Variants in CSRNP3 observed in about 807,000 individuals in gnomAD.
The protein encoded by CSRNP3 is cysteine and serine rich nuclear protein 3.
CSRNP3 carries 12 observed loss-of-function variants against 48.0 expected under a neutral mutation model. The observed-to-expected ratio is 0.25, with a 90% CI of 0.16 to 0.41. The LOEUF (loss-of-function observed/expected upper bound fraction) is 0.41, where lower values mean the gene tolerates loss of function less well. Among genes scored for constraint, CSRNP3 ranks in the 10% least tolerant of loss-of-function variants. CSRNP3 has a pLI of 1.00. For synonymous variants in CSRNP3, 263 were observed against 269.7 expected, an observed-to-expected ratio of 0.98 and a Z score of 0.24; for missense variants, 580 against 724.4, an observed-to-expected ratio of 0.80 and a Z score of 2.29.
chr2:165,586,085 T>C (rs1025520638), intron 3 of CSRNP3, among the ~76,000 whole-genome samples: 31 of 152,126 alleles, frequency 2.0e-4, no homozygotes, highest in African/African-American at 7.5e-4. Flanking sequence ...AAAGTGAACA[T>C]CTCATTACCA....
At chr2:165,560,435 A>G (rs1007528400) in intron 3 of CSRNP3, among the ~76,000 whole-genome samples, 1 of 152,192 alleles carries the variant, frequency 6.6e-6, no homozygotes, top group Non-Finnish European at 1.5e-5. Context: ...TTTTATAACT[A>G]TCATGAACAA....
Position 165,681,144 on chromosome 2 carries a change from G to T in CSRNP3, c.*1391G>T, listed in dbSNP as rs193156381. 6.6e-6 allele frequency: 1 copy of T among 152,098 alleles called. No homozygotes were observed. Among genetic ancestry groups the T allele is most frequent in the South Asian group, 2.1e-4 (1 of 4,822 alleles). The allele number at this position is 152,098 out of a possible 1,614,324, so 9.4% of individuals were successfully genotyped here. On this transcript the variant is annotated 3_prime_UTR_variant, in exon 7 of 7. Coordinates refer to ENST00000651982, the MANE Select transcript of CSRNP3 (RefSeq NM_001172173.2). Reference sequence around the variant, plus strand: ...CCTTTAGATTACCTGCACTTGGTTCGTCGGAGGACTTCTAGGATCCCGTTT... The same window carrying T: ...CCTTTAGATTACCTGCACTTGGTTCTTCGGAGGACTTCTAGGATCCCGTTT...
intron 4 of CSRNP3, among the ~76,000 whole-genome samples, chr2:165,646,746 A>G (rs1361738339): frequency 6.6e-6 from 1 of 152,154 alleles, no homozygotes; most frequent in East Asian, 1.9e-4. Flanking sequence ...CTTTGACATC[A>G]GGAGAATTGC....
At chr2:165,623,684 AC>A (rs1482417862) in intron 4 of CSRNP3, among the ~76,000 whole-genome samples, 1 of 152,186 alleles carries the variant, frequency 6.6e-6, no homozygotes, top group East Asian at 1.9e-4. Context: ...ATATTTACAT[AC>A]TGACTTTTTA....
intron 3 of CSRNP3, among the ~76,000 whole-genome samples, chr2:165,590,474 G>A (rs1267803674): frequency 1.3e-5 from 2 of 152,150 alleles, no homozygotes; most frequent in Non-Finnish European, 2.9e-5. Flanking sequence ...ATTGAATGAA[G>A]TAAGTTGAAA....
intron 4 of CSRNP3, among the ~76,000 whole-genome samples, chr2:165,657,166 A>G (rs1235693765): frequency 6.6e-6 from 1 of 152,196 alleles, no homozygotes; most frequent in African/African-American, 2.4e-5. Flanking sequence ...TTAGTTACAT[A>G]GTAGCCATCT....
At chr2:165,504,695 A>G (rs1235981712) in intron 2 of CSRNP3, among the ~76,000 whole-genome samples, 1 of 152,102 alleles carries the variant, frequency 6.6e-6, no homozygotes, top group Non-Finnish European at 1.5e-5. Context: ...CTGATCGTTT[A>G]ACCAACTATG....
At chr2:165,586,710 T>C (rs1685639445) in intron 3 of CSRNP3, among the ~76,000 whole-genome samples, 1 of 152,116 alleles carries the variant, frequency 6.6e-6, no homozygotes, top group Non-Finnish European at 1.5e-5. Context: ...GAAAAAAGGA[T>C]TAAACACTAG....
At chr2:165,494,070 C>A (rs755242987) in intron 1 of CSRNP3, among the ~76,000 whole-genome samples, 1 of 152,066 alleles carries the variant, frequency 6.6e-6, no homozygotes, top group Non-Finnish European at 1.5e-5. Flanking sequence ...CATGTTAATA[C>A]AGAGAGTGAA....
At chr2:165,674,804 G>A (rs960493211) in intron 5 of CSRNP3, among the ~76,000 whole-genome samples, 22 of 150,298 alleles carry the variant, frequency 1.5e-4, no homozygotes, top group Admixed American at 4.7e-4. Flanking sequence ...CTGACCTCCC[G>A]GGCTCAAGTG....
At chr2:165,526,804 A>G (rs907797436) in intron 3 of CSRNP3, among the ~76,000 whole-genome samples, 21 of 152,204 alleles carry the variant, frequency 1.4e-4, no homozygotes, top group African/African-American at 4.6e-4. Flanking sequence ...GAAATGGACC[A>G]TATCATACTA....
At chr2:165,533,306 A>G (rs1028545570) in intron 3 of CSRNP3, among the ~76,000 whole-genome samples, 8 of 152,226 alleles carry the variant, frequency 5.3e-5, no homozygotes, top group East Asian at 1.9e-4. Context: ...CAAAAGTTCA[A>G]TTAGAATAAC....
At chr2:165,541,790 G>A (rs572843086) in intron 3 of CSRNP3, among the ~76,000 whole-genome samples, 1 of 152,162 alleles carries the variant, frequency 6.6e-6, no homozygotes, top group East Asian at 1.9e-4. Context: ...CTTAATGAAG[G>A]CACAAGCCTT....
chr2:165,679,477 A>C lies in CSRNP3; in HGVS notation c.1482A>C (p.Pro494=). Residue 494 remains proline (P), a synonymous_variant, in exon 7 of 7, where the codon CCA becomes CCC. Coordinates refer to ENST00000651982, the MANE Select transcript of CSRNP3 (RefSeq NM_001172173.2). ...AGGCCTATGGTGCCTCCCACTACCCAGCTGCCAACCCCTCTGTAATCGTTT... is the reference window on the plus strand; with the variant it reads ...AGGCCTATGGTGCCTCCCACTACCCCGCTGCCAACCCCTCTGTAATCGTTT... ...AEEAYGASHY[P]AANPSVIVCC... 6.2e-7 allele frequency: 1 copy of C among 1,613,484 alleles called. No homozygotes were observed. Among genetic ancestry groups the C allele is most frequent in the Non-Finnish European group, 8.5e-7 (1 of 1,179,926 alleles).
At chr2:165,668,032 T>C (rs1687264151) in intron 5 of CSRNP3, among the ~76,000 whole-genome samples, 1 of 152,206 alleles carries the variant, frequency 6.6e-6, no homozygotes, top group African/African-American at 2.4e-5. Flanking sequence ...GTGCAAAGGA[T>C]ACACTGGTAA....
intron 4 of CSRNP3, among the ~76,000 whole-genome samples, chr2:165,646,762 C>T (rs1442688310): frequency 6.6e-6 from 1 of 152,012 alleles, no homozygotes; most frequent in African/African-American, 2.4e-5. Context: ...ATTGCTGAGA[C>T]AGCAGAGGGA....
chr2:165,592,801 CATT>C (rs1685740458), intron 3 of CSRNP3, among the ~76,000 whole-genome samples: 3 of 133,438 alleles, frequency 2.2e-5, no homozygotes, highest in African/African-American at 2.8e-5. Flanking sequence ...AACCTCTTTT[CATT>C]TTTTTTTTTT....
At chr2:165,590,756 C>T (rs1685703278) in intron 3 of CSRNP3, among the ~76,000 whole-genome samples, 1 of 152,156 alleles carries the variant, frequency 6.6e-6, no homozygotes, top group South Asian at 2.1e-4. Context: ...TGTTTGCTTC[C>T]CCTTCTGCCA....
At chr2:165,535,278 G>T (rs1281094197) in intron 3 of CSRNP3, among the ~76,000 whole-genome samples, 2 of 150,524 alleles carry the variant, frequency 1.3e-5, no homozygotes, top group Non-Finnish European at 3.0e-5. Context: ...AAAGTAGTAT[G>T]CTGGGGACTA....
Sources: gnomAD v4.1 joint callset for allele counts (sites outside exome capture counted in the v4.1 genomes callset) on GRCh38, gnomAD v4.1.1 for gene constraint, MANE v1.5 for transcripts, NCBI Gene and HGNC (gene_info 2026-07-23, HGNC 2026-07-21) for gene names.